Variants in KEL observed in about 807,000 individuals in gnomAD.
KEL encodes Kell metallo-endopeptidase (Kell blood group).
In KEL, 96 loss-of-function variants were observed where a neutral mutation model predicts 99.5. The observed-to-expected ratio is 0.97, with a 90% CI of 0.82 to 1.14. The LOEUF (loss-of-function observed/expected upper bound fraction) is 1.14, where lower values mean the gene tolerates loss of function less well. KEL is among the 50% of genes most tolerant of loss of function. The pLI, the probability that KEL is intolerant of heterozygous loss-of-function variation, is 0.00. For missense variants in KEL, 926 were observed against 924.2 expected, an observed-to-expected ratio of 1.00 and a Z score of -0.03; for synonymous variants, 355 against 354.8, an observed-to-expected ratio of 1.00 and a Z score of -0.01.
At chr7:142,954,572 G>A in intron 6 of KEL, 45 bp from the exon 7 acceptor site, 1 of 1,560,368 alleles carries the variant, frequency 6.4e-7, no homozygotes, top group East Asian at 2.2e-5. Context: ...CATGGCGGAT[G>A]GAGAGGGCAG....
Position 142,958,339 on chromosome 7 carries a change from C to A in KEL, c.490G>T (p.Ala164Ser). ...SCMDTLAIEA[A>S]GTGPLRQVIE... ...ACTTGTCTGAGGGGACCAGTCCCTG[C>A]AGCTTCAATGGCAAGTGTATCCATG... Residue 164 changes from alanine to serine, a missense_variant, in exon 5 of 19, where the codon GCA becomes TCA. Coordinates refer to ENST00000355265, the MANE Select transcript of KEL (RefSeq NM_000420.3). 2 of 1,614,134 alleles carry A rather than the reference C, an allele frequency of 1.2e-6. No homozygotes were observed. The highest frequency in any genetic ancestry group is 1.3e-5 in the African/African-American group (1 of 75,052).
rs559243363 is a variant in KEL at position 142,952,398 on chromosome 7, G to A, written c.1203+111C>T. On this transcript the variant is annotated intron_variant, in intron 10 of 18. Transcript: ENST00000355265. ...CTATGGAAAGCCAAGACATGGAGGG[G>A]CATCTACCATCACGGCCCCCTCCCT... 2.9e-6 allele frequency: 4 copies of A among 1,368,996 alleles called. No homozygotes were observed. In the South Asian group the frequency reaches 3.5e-5, roughly 12 times the overall value. 84.8% of individuals were successfully genotyped at this position (1,368,996 alleles called of 1,614,324 possible). A position where few individuals can be genotyped will look rare whatever the true frequency, so the allele number is the denominator to read the frequency against.
rs1796526001 is a variant in KEL, at chr7:142,946,282, C to A, written c.1239G>T (p.Glu413Asp). The change falls in exon 11 of 19, where the codon GAG becomes GAT. Residue 413 changes from glutamate to aspartate, a missense_variant. Coordinates refer to ENST00000355265, the MANE Select transcript of KEL (RefSeq NM_000420.3). ...ARPRWMKCVEETGTFFEPTLA... is the reference protein window; with the variant it reads ...ARPRWMKCVEDTGTFFEPTLA... ...GCGTGGGCTCGAAGAACGTGCCTGT[C>A]TCCTCCACGCACTTCATCCATCGTG... The A allele has an allele frequency of 6.2e-7, 1 of 1,614,126 alleles. No individual in the cohort carries two copies. The highest frequency in any genetic ancestry group is 8.5e-7 in the Non-Finnish European group (1 of 1,180,018).
chr7:142,949,136 C>T (rs1415085983), intron 10 of KEL, among the ~76,000 whole-genome samples: 2 of 152,154 alleles, frequency 1.3e-5, no homozygotes, highest in African/African-American at 4.8e-5. Context: ...TCAGTGACAC[C>T]AGTTGTCGAA....
Position 142,957,994 on chromosome 7 carries a change from G to A in KEL, c.526-21C>T, listed in dbSNP as rs566404704. ...CCAAGCTTTAAAGGAGAGAGAGGGG[G>A]CTGAGCATAAGGATCCGTGGAGCCC... On this transcript the variant is annotated intron_variant, in intron 5 of 18. Coordinates refer to ENST00000355265, the MANE Select transcript of KEL (RefSeq NM_000420.3). 247 of 1,611,714 alleles carry A rather than the reference G, an allele frequency of 1.5e-4. 5 individuals carry two copies. The South Asian group carries it at 2.3e-3, about 15-fold the overall frequency.
At position 142,943,817 on chromosome 7, in the gene KEL, C is replaced by T. The variant is rs1796437000; in HGVS notation, c.1558G>A (p.Val520Ile). ...GGGTGAGGCTGCAAGAAGCTCTGGA[C>T]AATTCTAGCTCGGAGGGACCGGACA... ...SCVRSLRARI[V>I]QSFLQPHPQH... Residue 520 changes from valine (V) to isoleucine (I), a missense_variant, in exon 14 of 19, where the codon GTC becomes ATC. By Grantham distance (29) the Val-to-Ile change is conservative. Coordinates refer to ENST00000355265, the MANE Select transcript of KEL (RefSeq NM_000420.3). The T allele has an allele frequency of 6.2e-7, 1 of 1,614,054 alleles. No homozygotes were observed. The highest frequency in any genetic ancestry group is 1.7e-5 in the Admixed American group (1 of 60,008).
intron 4 of KEL, among the ~76,000 whole-genome samples, chr7:142,960,348 T>C (rs758643056): frequency 3.3e-5 from 5 of 152,098 alleles, no homozygotes; most frequent in Admixed American, 6.5e-5. Context: ...AAGGTTTCAA[T>C]GGAGAAGCAA....
intron 13 of KEL, among the ~76,000 whole-genome samples, 162 bp downstream of exon 13, chr7:142,944,161 A>T (rs1401905364): frequency 6.6e-6 from 1 of 152,184 alleles, no homozygotes; most frequent in Non-Finnish European, 1.5e-5. Context: ...TGCCAGCAAG[A>T]CGTACAGTGT....
Position 142,944,637 on chromosome 7 carries a change from C to G in KEL, c.1413+6G>C. The G allele has an allele frequency of 1.2e-6, 2 of 1,611,348 alleles. No homozygotes were observed. Among genetic ancestry groups the G allele is most frequent in the Non-Finnish European group, 1.7e-6 (2 of 1,177,496 alleles). On this transcript the variant is annotated splice_donor_region_variant and intron_variant, in intron 12 of 18. Transcript: ENST00000355265. ...CTCCCACACCAGCCAGGACGCCTGG[C>G]CTGACCTTGTCCTGGGCCATGTTCT...
In KEL at chr7:142,941,302, A is replaced by G. The variant is rs755371909; in HGVS notation, c.2149T>C (p.Cys717Arg). Residue 717 changes from cysteine (C) to arginine (R), a missense_variant, in exon 19 of 19, where the codon TGT becomes CGT. Coordinates refer to ENST00000355265, the MANE Select transcript of KEL (RefSeq NM_000420.3). ...STPAFARYFR[C>R]ARGALLNPSS... ...GGGTTCAAGAGAGCACCACGTGCAC[A>G]GCGGAAATACCTGGCAAAGGCTGGG... 1.2e-6 allele frequency: 2 copies of G among 1,614,158 alleles called. No individual in the cohort carries two copies. Among genetic ancestry groups the G allele is most frequent in the South Asian group, 1.1e-5 (1 of 91,080 alleles).
chr7:142,951,109 G>T (rs538635934), intron 10 of KEL, among the ~76,000 whole-genome samples: 1 of 152,308 alleles, frequency 6.6e-6, no homozygotes, highest in South Asian at 2.1e-4. Context: ...GCGTCCCCAA[G>T]GTCACACAAC....
intron 18 of KEL, chr7:142,942,167 C>G: frequency 3.7e-6 from 2 of 542,996 alleles, no homozygotes; most frequent in Non-Finnish European, 6.6e-6. Context: ...AAAAGTTGGT[C>G]TCCTCCTCTC....
rs370955278 is a variant in KEL, at chr7:142,957,884, A to G, written c.615T>C (p.Pro205=). 241 of 1,614,028 alleles carry G rather than the reference A, an allele frequency of 1.5e-4. No individual in the cohort carries two copies. The highest frequency in any genetic ancestry group is 2.0e-4 in the Non-Finnish European group (240 of 1,180,020). The change falls in exon 6 of 19, where the codon CCT becomes CCC. Residue 205 remains proline, a synonymous_variant. Coordinates refer to ENST00000355265, the MANE Select transcript of KEL (RefSeq NM_000420.3). ...RLLMSQYGHF[P]FFRAYLGPHP... Reference sequence around the variant, plus strand: ...GAGGTCCTAGGTAGGCTCTGAAGAAAGGGAAATGGCCATACTGACTCATCA... The same window carrying G: ...GAGGTCCTAGGTAGGCTCTGAAGAAGGGGAAATGGCCATACTGACTCATCA...
Position 142,952,576 on chromosome 7 carries a change from C to T in KEL, c.1136G>A (p.Ser379Asn), listed in dbSNP as rs372166970. 3 of 1,614,132 alleles carry T rather than the reference C, an allele frequency of 1.9e-6. No homozygotes were observed. The highest frequency in any genetic ancestry group is 1.1e-5 in the South Asian group (1 of 91,078). The change falls in exon 10 of 19, where the codon AGT (serine) becomes AAT (asparagine). Residue 379 changes from serine to asparagine, a missense_variant. Physicochemically the swap from Ser to Asn is conservative, Grantham distance 46. Coordinates refer to ENST00000355265, the MANE Select transcript of KEL (RefSeq NM_000420.3). Reference sequence around the variant, plus strand: ...CTTTCTGCGTGCCTCCTGGAATTGACTGTCCAGGGCTGGAGAAAGGGTCAC... The same window carrying T: ...CTTTCTGCGTGCCTCCTGGAATTGATTGTCCAGGGCTGGAGAAAGGGTCAC... ...LVVTLSPALD[S>N]QFQEARRKLS...
intron 18 of KEL, 46 bp from the exon 19 acceptor site, chr7:142,941,459 A>C (rs754968558): frequency 6.5e-7 from 1 of 1,526,960 alleles, no homozygotes; most frequent in Non-Finnish European, 8.8e-7. Context: ...CCACAGGACA[A>C]AGCTGACCCG....
chr7:142,942,169 C>T, intron 18 of KEL: 1 of 550,260 alleles, frequency 1.8e-6, no homozygotes, highest in Non-Finnish European at 3.2e-6. Flanking sequence ...AAGTTGGTCT[C>T]CTCCTCTCCT....
At chr7:142,941,481 T>A in intron 18 of KEL, 68 bp from the exon 19 acceptor site, 1 of 1,457,938 alleles carries the variant, frequency 6.9e-7, no homozygotes, top group East Asian at 2.3e-5. Context: ...TGACAAGGGG[T>A]GATCAGGGAC....
Position 142,944,420 on chromosome 7 carries a change from A to G in KEL, c.1414-20T>C. 2 of 1,593,066 alleles carry G rather than the reference A, an allele frequency of 1.3e-6. No individual in the cohort carries two copies. Among genetic ancestry groups the G allele is most frequent in the Non-Finnish European group, 1.7e-6 (2 of 1,160,616 alleles). On this transcript the variant is annotated intron_variant, in intron 12 of 18. Coordinates refer to ENST00000355265, the MANE Select transcript of KEL (RefSeq NM_000420.3). The stretch of plus-strand genomic sequence containing the variant: ...AGCAACCTGGAGAGAGACACAGAAG[A>G]GGCTAGGAATACTCTCCGAGTCTAC...
chr7:142,960,904 C>T (rs367709806), intron 4 of KEL, 24 bp downstream of exon 4: 16 of 1,612,566 alleles, frequency 9.9e-6, no homozygotes, highest in African/African-American at 4.0e-5. Flanking sequence ...TTGCACAGAG[C>T]ATCTTCCACC....
Sources: gnomAD v4.1 joint callset for allele counts (sites outside exome capture counted in the v4.1 genomes callset) on GRCh38, gnomAD v4.1.1 for gene constraint, MANE v1.5 for transcripts, NCBI Gene and HGNC (gene_info 2026-07-23, HGNC 2026-07-21) for gene names.